The following TMEM263 variants were observed in gnomAD, a reference collection of about 807,000 sequenced individuals.
TMEM263 encodes the protein UPF0444 transmembrane protein C12orf23.
A neutral mutation model predicts 8.6 loss-of-function variants in TMEM263; 5 were observed. That is an observed-to-expected ratio of 0.58 (90% CI 0.31 to 1.23). TMEM263 has a LOEUF of 1.23. TMEM263 is among the 50% of genes most tolerant of loss of function. The probability of loss-of-function intolerance (pLI) is 0.07; values close to 1 mark genes in which losing one functional copy is unlikely to be tolerated. For missense variants in TMEM263, 104 were observed against 138.8 expected, an observed-to-expected ratio of 0.75 and a Z score of 1.26; for synonymous variants, 50 against 47.9, an observed-to-expected ratio of 1.04 and a Z score of -0.18.
rs1299411191 is a variant in TMEM263, at chr12:106,971,252, C to G, written c.212C>G (p.Ala71Gly). ...AAGAGTCTGGAAGTGACCAAAACAG[C>G]TGTTACAACTGTGCCTTCCATGGGA... The part of the protein sequence containing the change: ...GGKSLEVTKT[A>G]VTTVPSMGIG... The change falls in exon 4 of 4, where the codon GCT becomes GGT. Residue 71 changes from alanine to glycine, a missense_variant. Ala to Gly is a moderately conservative substitution (Grantham distance 60). Transcript: ENST00000280756. The G allele has an allele frequency of 1.2e-6, 2 of 1,614,182 alleles. No individual in the cohort carries two copies. The highest frequency in any genetic ancestry group is 1.7e-6 in the Non-Finnish European group (2 of 1,180,032).
chr12:106,963,667 G>A (rs1478818524), intron 2 of TMEM263, among the ~76,000 whole-genome samples: 1 of 152,112 alleles, frequency 6.6e-6, no homozygotes, highest in African/African-American at 2.4e-5. Context: ...CTGCTCATGG[G>A]TTCTTAATGC....
intron 2 of TMEM263, among the ~76,000 whole-genome samples, chr12:106,961,269 G>A (rs1428065117): frequency 2.6e-5 from 3 of 113,494 alleles, no homozygotes; most frequent in African/African-American, 3.9e-5. Flanking sequence ...TTGTGGAGAC[G>A]GAGTCTCATT....
chr12:106,957,204 G>GTGTGTGTGTGTA lies in TMEM263; in HGVS notation c.-7+62_-7+63insGTGTATGTGTGT, dbSNP rs1555270714. On this transcript the variant is annotated intron_variant, in intron 2 of 3. Coordinates refer to ENST00000280756, the MANE Select transcript of TMEM263 (RefSeq NM_152261.4). ...TGTGTGTGTGTGTGTGTGTGTGTGTGTGTGTGTATGTGTGTGCGCGCTCGC... is the reference window on the plus strand; with the variant it reads ...TGTGTGTGTGTGTGTGTGTGTGTGTGTGTGTGTGTGTATGTGTGTATGTGTGTGCGCGCTCGC... 4 of 906,970 alleles carry GTGTGTGTGTGTA rather than the reference G, an allele frequency of 4.4e-6. No individual in the cohort carries two copies. The East Asian group carries it at 4.7e-4, about 107-fold the overall frequency. The allele number at this position is 906,970 out of a possible 1,614,324, so 56.2% of individuals were successfully genotyped here.
At chr12:106,960,966 C>G (rs1201227431) in intron 2 of TMEM263, among the ~76,000 whole-genome samples, 1 of 151,962 alleles carries the variant, frequency 6.6e-6, no homozygotes, top group Non-Finnish European at 1.5e-5. Flanking sequence ...GTAGGTATTT[C>G]TTCTTGTGAT....
intron 2 of TMEM263, among the ~76,000 whole-genome samples, chr12:106,961,690 C>A (rs1951780319): frequency 6.6e-6 from 1 of 152,186 alleles, no homozygotes; most frequent in African/African-American, 2.4e-5. Flanking sequence ...GGAAACAAGA[C>A]ATTTTCTAAA....
chr12:106,956,953 A>C, intron 1 of TMEM263, 129 bp from the exon 2 acceptor site: 1 of 433,262 alleles, frequency 2.3e-6, no homozygotes, highest in Non-Finnish European at 3.1e-6. Context: ...GGCCACCCGG[A>C]AGGGTTTAGA....
intron 2 of TMEM263, among the ~76,000 whole-genome samples, chr12:106,960,155 C>A (rs939699958): frequency 6.6e-6 from 1 of 152,106 alleles, no homozygotes; most frequent in East Asian, 1.9e-4. Flanking sequence ...CTGCCTCAGC[C>A]TCCTGAGTAG....
chr12:106,957,676 T>C (rs1452394286), intron 2 of TMEM263, among the ~76,000 whole-genome samples: 1 of 152,216 alleles, frequency 6.6e-6, no homozygotes, highest in Non-Finnish European at 1.5e-5. Flanking sequence ...GATGGTTTAC[T>C]GGTTCTCTGG....
intron 3 of TMEM263, 80 bp from the exon 4 acceptor site, chr12:106,971,025 A>G: frequency 6.9e-7 from 1 of 1,449,986 alleles, no homozygotes; most frequent in South Asian, 1.3e-5. Flanking sequence ...AGGAAGTCTT[A>G]GGTTACTTAA....
At chr12:106,957,234 A>G (rs1025426479) in intron 2 of TMEM263, 85 bp downstream of exon 2, 1 of 920,238 alleles carries the variant, frequency 1.1e-6, no homozygotes, top group African/African-American at 1.8e-5. Flanking sequence ...GCTCGCGCCC[A>G]TGCTTAACTT....
intron 2 of TMEM263, among the ~76,000 whole-genome samples, chr12:106,959,779 C>T (rs955367788): frequency 2.0e-5 from 3 of 152,002 alleles, no homozygotes; most frequent in Admixed American, 6.6e-5. Flanking sequence ...TATTTGTGTG[C>T]AGGACTTTGG....
At chr12:106,962,080 G>A (rs1951784058) in intron 2 of TMEM263, among the ~76,000 whole-genome samples, 1 of 151,970 alleles carries the variant, frequency 6.6e-6, no homozygotes, top group Non-Finnish European at 1.5e-5. Flanking sequence ...ATTTATAGAT[G>A]TTAATTAACT....
At chr12:106,960,139 A>G (rs1436613984) in intron 2 of TMEM263, among the ~76,000 whole-genome samples, 1 of 152,084 alleles carries the variant, frequency 6.6e-6, no homozygotes, top group African/African-American at 2.4e-5. Flanking sequence ...GGTTCAAGCA[A>G]TTCTCCTGCC....
Position 106,972,522 on chromosome 12 carries a change from G to C in TMEM263, c.*1131G>C, listed in dbSNP as rs940465731. The C allele has an allele frequency of 2.6e-5, 4 of 152,140 alleles. No homozygotes were observed. Among genetic ancestry groups the C allele is most frequent in the African/African-American group, 9.7e-5 (4 of 41,434 alleles). The allele number at this position is 152,140 out of a possible 1,614,324, so 9.4% of individuals were successfully genotyped here. A position where few individuals can be genotyped will look rare whatever the true frequency, so the allele number is the denominator to read the frequency against. On this transcript the variant is annotated 3_prime_UTR_variant, in exon 4 of 4. Transcript: ENST00000280756. ...ATATAAAGTATATAAAAGTGCATCA[G>C]TGGTTTATATAGGCTTTAAAAACAT...
In TMEM263 at chr12:106,972,348, A is replaced by T. The variant is rs1420600302; in HGVS notation, c.*957A>T. 6.6e-6 allele frequency: 1 copy of T among 152,214 alleles called. No individual in the cohort carries two copies. The highest frequency in any genetic ancestry group is 1.5e-5 in the Non-Finnish European group (1 of 68,008). The allele number at this position is 152,214 out of a possible 1,614,324, so 9.4% of individuals were successfully genotyped here. On this transcript the variant is annotated 3_prime_UTR_variant, in exon 4 of 4. Coordinates refer to ENST00000280756, the MANE Select transcript of TMEM263 (RefSeq NM_152261.4). ...AAATTACCTAAAACACCCCAAATATAAAAAGAAGCCTTCACACCTATTCTG... is the reference window on the plus strand; with the variant it reads ...AAATTACCTAAAACACCCCAAATATTAAAAGAAGCCTTCACACCTATTCTG...
chr12:106,962,664 A>C (rs533568857), intron 2 of TMEM263, among the ~76,000 whole-genome samples: 1 of 152,202 alleles, frequency 6.6e-6, no homozygotes, highest in South Asian at 2.1e-4. Context: ...GGCCCCTTAA[A>C]TCCAATTGCC....
At chr12:106,967,074 G>A in intron 2 of TMEM263, 37 bp from the exon 3 acceptor site, 2 of 1,358,912 alleles carry the variant, frequency 1.5e-6, no homozygotes, top group Non-Finnish European at 2.1e-6. Context: ...CACATGTTGA[G>A]GTTAAAATGA....
chr12:106,968,405 G>A (rs1330390421), intron 3 of TMEM263, among the ~76,000 whole-genome samples: 2 of 152,010 alleles, frequency 1.3e-5, no homozygotes, highest in Non-Finnish European at 2.9e-5. Flanking sequence ...AGCTGATTAG[G>A]TTTAGTTTAG....
rs1290217985 is a variant in TMEM263 at position 106,972,457 on chromosome 12, T to C, written c.*1066T>C. On this transcript the variant is annotated 3_prime_UTR_variant, in exon 4 of 4. Coordinates refer to ENST00000280756, the MANE Select transcript of TMEM263 (RefSeq NM_152261.4). ...ACCACAAATATGTGAGGACTTACTA[T>C]TTTAAATGGAATGGAATGAGCTCCA... is the stretch of plus-strand genomic sequence containing the variant. 2 of 152,166 alleles carry C rather than the reference T, an allele frequency of 1.3e-5. No homozygotes were observed. The highest frequency in any genetic ancestry group is 2.9e-5 in the Non-Finnish European group (2 of 67,998). 9.4% of individuals were successfully genotyped at this position (152,166 alleles called of 1,614,324 possible).
Sources: allele counts gnomAD v4.1 joint callset (sites outside exome capture counted in the v4.1 genomes callset), GRCh38; gene constraint gnomAD v4.1.1; transcripts MANE v1.5; gene names NCBI Gene and HGNC (gene_info 2026-07-23, HGNC 2026-07-21).